Variants in TSEN34 observed in about 807,000 individuals in gnomAD.
The protein encoded by TSEN34 is tRNA splicing endonuclease subunit 34.
In TSEN34, 25 loss-of-function variants were observed where a neutral mutation model predicts 30.2. The ratio of observed to expected loss-of-function variants is 0.83; its 90% confidence interval spans 0.60 to 1.16. The LOEUF (loss-of-function observed/expected upper bound fraction) is 1.16, where lower values mean the gene tolerates loss of function less well. Among genes scored for constraint, TSEN34 ranks in the 50% most tolerant of loss-of-function variants. The probability of loss-of-function intolerance (pLI) is 0.00; values close to 1 mark genes in which losing one functional copy is unlikely to be tolerated. For synonymous variants in TSEN34, 209 were observed against 177.4 expected, an observed-to-expected ratio of 1.18 and a Z score of -1.41; for missense variants, 475 against 411.9, an observed-to-expected ratio of 1.15 and a Z score of -1.33.
chr19:54,193,617 T>A lies in TSEN34; in HGVS notation c.*255T>A. On this transcript the variant is annotated 3_prime_UTR_variant, in exon 4 of 4. Transcript: ENST00000396388. ...GCCTGGGTTTGATTCATCTGTTTTC[T>A]ACAGGGTTTAAGTCTCAGGAGGTCT... 7.6e-7 allele frequency: 1 copy of A among 1,312,630 alleles called. No individual in the cohort carries two copies. The highest frequency in any genetic ancestry group is 1.1e-6 in the Non-Finnish European group (1 of 943,320). 81.3% of individuals were successfully genotyped at this position (1,312,630 alleles called of 1,614,324 possible). A position where few individuals can be genotyped will look rare whatever the true frequency, so the allele number is the denominator to read the frequency against.
At chr19:54,190,531 G>C, upstream of TSEN34, 4 of 1,298,370 alleles carry the variant, frequency 3.1e-6, no homozygotes, top group Non-Finnish European at 3.0e-6. Flanking sequence ...CGTAGGGCGG[G>C]AACTCCCCAA....
At position 54,192,126 on chromosome 19, in the gene TSEN34, T is replaced by G. The variant is rs201833183; in HGVS notation, c.498T>G (p.Ser166=). The change falls in exon 3 of 4, where the codon TCT becomes TCG. Residue 166 remains serine (S), a synonymous_variant. Coordinates refer to ENST00000396388, the MANE Select transcript of TSEN34 (RefSeq NM_001077446.4). ...TGTACTCCCCACCAGGCCCCTCGTC[T>G]TCCCAAGCAGGACCCTCAAATGGGG... ...SGEQEEAGPS[S]SQAGPSNGVA... 1.5e-5 allele frequency: 24 copies of G among 1,614,232 alleles called. No individual in the cohort carries two copies. The highest frequency in any genetic ancestry group is 1.9e-5 in the Non-Finnish European group (23 of 1,180,036).
At chr19:54,192,508 G>C (rs1293419495) in intron 3 of TSEN34, 135 bp downstream of exon 3, 2 of 1,230,404 alleles carry the variant, frequency 1.6e-6, no homozygotes, top group African/African-American at 3.1e-5. Context: ...CTATTCCTGG[G>C]CTCAAGCAAT....
At position 54,191,900 on chromosome 19, in the gene TSEN34, G is replaced by A. The variant is rs1294997463; in HGVS notation, c.423G>A (p.Ser141=). The change falls in exon 2 of 4, where the codon TCG becomes TCA. Residue 141 remains serine (S), a synonymous_variant. Coordinates refer to ENST00000396388, the MANE Select transcript of TSEN34 (RefSeq NM_001077446.4). ...SGASSSQEAG[S]SQAAKEDETS... ...CCAGCTCAAGCCAGGAGGCCGGCTC[G>A]AGCCAGGCTGCCAAAGAGGATGAGA... is the stretch of plus-strand genomic sequence containing the variant. The A allele has an allele frequency of 1.9e-6, 3 of 1,614,128 alleles. No individual in the cohort carries two copies. The highest frequency in any genetic ancestry group is 3.3e-5 in the Admixed American group (2 of 60,020).
At position 54,193,667 on chromosome 19, in the gene TSEN34, C is replaced by T. The variant is rs2076791827; in HGVS notation, c.*305C>T. The T allele has an allele frequency of 5.4e-6, 5 of 924,374 alleles. No homozygotes were observed. The highest frequency in any genetic ancestry group is 8.5e-6 in the Non-Finnish European group (5 of 588,348). The allele number at this position is 924,374 out of a possible 1,614,324, so 57.3% of individuals were successfully genotyped here. On this transcript the variant is annotated 3_prime_UTR_variant, in exon 4 of 4. Coordinates refer to ENST00000396388, the MANE Select transcript of TSEN34 (RefSeq NM_001077446.4). ...TCAATAAACTTGGTATATAAATGTT[C>T]ATGATTTGAATGTTTGCGACAGTCC...
upstream of TSEN34, chr19:54,189,887 C>T: frequency 4.7e-6 from 1 of 213,986 alleles, no homozygotes; most frequent in South Asian, 6.8e-5. Flanking sequence ...TCCTTAGGGT[C>T]ACTGTTCCGA....
chr19:54,190,181 A>G (rs2076610449), upstream of TSEN34: 1 of 600,088 alleles, frequency 1.7e-6, no homozygotes, highest in East Asian at 3.2e-5. Context: ...AGTGGGGCGG[A>G]GCCAAGGTGG....
Position 54,191,470 on chromosome 19 carries a change from C to G in TSEN34, c.106C>G (p.Leu36Val). The G allele has an allele frequency of 1.3e-6, 2 of 1,549,958 alleles. No homozygotes were observed. The highest frequency in any genetic ancestry group is 1.7e-6 in the Non-Finnish European group (2 of 1,149,678). The change falls in exon 1 of 4, where the codon CTG becomes GTG. Residue 36 changes from leucine to valine, a missense_variant. By Grantham distance (32) the Leu-to-Val change is conservative. Transcript: ENST00000396388. ...TGTGGGGGGCCGCACGGTAGGCGCC[C>G]TGCCCCGCGGGCCCCGCCAGAACTC... is the stretch of plus-strand genomic sequence containing the variant. The part of the protein sequence containing the change: ...LGVGGRTVGA[L>V]PRGPRQNSRL...
At chr19:54,192,054 C>A (rs944490278) in intron 2 of TSEN34, 62 bp from the exon 3 acceptor site, 2 of 1,613,982 alleles carry the variant, frequency 1.2e-6, no homozygotes, top group Non-Finnish European at 1.7e-6. Flanking sequence ...CCTGGGTCTC[C>A]CTGAGGGTGA....
intron 3 of TSEN34, 130 bp downstream of exon 3, chr19:54,192,503 C>G: frequency 7.9e-7 from 1 of 1,262,482 alleles, no homozygotes; most frequent in Admixed American, 2.2e-5. Context: ...GGTCCCTATT[C>G]CTGGGCTCAA....
At chr19:54,192,492 T>A in intron 3 of TSEN34, 119 bp downstream of exon 3, 1 of 1,371,704 alleles carries the variant, frequency 7.3e-7, no homozygotes, top group East Asian at 2.3e-5. Flanking sequence ...TTGCTTAGGC[T>A]GGTCCCTATT....
chr19:54,193,234 A>AT lies in TSEN34; in HGVS notation c.806dup (p.Leu271ThrfsTer26). The AT allele has an allele frequency of 1.9e-6, 3 of 1,613,960 alleles. No homozygotes were observed. The highest frequency in any genetic ancestry group is 2.5e-6 in the Non-Finnish European group (3 of 1,179,990). ...TCAGTGCTGGGCCCCTGAGGACACC[A>AT]TCCCACTCCAAGACCTGGTTGCTGC... is the stretch of plus-strand genomic sequence containing the variant. On this transcript the variant is annotated frameshift_variant, in exon 4 of 4. Transcript: ENST00000396388. LOFTEE classifies it high-confidence loss of function.
Position 54,193,427 on chromosome 19 carries a change from C to T in TSEN34, c.*65C>T. On this transcript the variant is annotated 3_prime_UTR_variant, in exon 4 of 4. Coordinates refer to ENST00000396388, the MANE Select transcript of TSEN34 (RefSeq NM_001077446.4). ...GAGCCTTTCTGGATGTTCCCCAGCT[C>T]TTCTCTGGGAGTCTAGAACATCCTC... The T allele has an allele frequency of 2.5e-6, 4 of 1,606,154 alleles. No individual in the cohort carries two copies. Among genetic ancestry groups the T allele is most frequent in the South Asian group, 1.1e-5 (1 of 89,970 alleles).
At chr19:54,192,478 C>A in intron 3 of TSEN34, 105 bp downstream of exon 3, 1 of 1,479,526 alleles carries the variant, frequency 6.8e-7, no homozygotes, top group South Asian at 1.2e-5. Context: ...GGTGGGGTCT[C>A]TTGTTGCTTA....
upstream of TSEN34, chr19:54,190,581 CCGCGAGGCTGCCGGGAGCCGATGA>C (rs1053114682): frequency 8.0e-7 from 1 of 1,247,280 alleles, no homozygotes; most frequent in Non-Finnish European, 1.0e-6. Context: ...GGGCCACAGG[CCGCGAGGCTGCCGGGAGCCGATGA>C]CGCCCGAACG....
chr19:54,191,505 C>T lies in TSEN34; in HGVS notation c.141C>T (p.Gly47=), dbSNP rs908424228. The T allele has an allele frequency of 3.2e-6, 5 of 1,581,152 alleles. No homozygotes were observed. In the African/African-American group the frequency reaches 4.0e-5, roughly 13 times the overall value. The change falls in exon 1 of 4, where the codon GGC becomes GGT. Residue 47 remains glycine, a synonymous_variant. Coordinates refer to ENST00000396388, the MANE Select transcript of TSEN34 (RefSeq NM_001077446.4). ...GGCCCCGCCAGAACTCGCGCCTGGGCCTCCCGCTGCTGCTGATGCCCGAAG... is the reference window on the plus strand; with the variant it reads ...GGCCCCGCCAGAACTCGCGCCTGGGTCTCCCGCTGCTGCTGATGCCCGAAG... ...PRGPRQNSRL[G]LPLLLMPEEA...
chr19:54,193,036 A>C (rs1029904142), intron 3 of TSEN34, 139 bp from the exon 4 acceptor site: 1 of 1,144,536 alleles, frequency 8.7e-7, no homozygotes, highest in African/African-American at 1.6e-5. Flanking sequence ...GAAGTGGAAT[A>C]GTTGTGTCCA....
intron 3 of TSEN34, 110 bp from the exon 4 acceptor site, chr19:54,193,065 T>C: frequency 1.9e-6 from 3 of 1,576,744 alleles, no homozygotes; most frequent in Non-Finnish European, 2.6e-6. Flanking sequence ...TGTTTTAGAG[T>C]ATCTATAGTG....
chr19:54,192,868 G>A (rs1357975181), intron 3 of TSEN34, among the ~76,000 whole-genome samples: 2 of 152,078 alleles, frequency 1.3e-5, no homozygotes, highest in Admixed American at 1.3e-4. Flanking sequence ...AACTGGGCGT[G>A]GTGGTGGGTG....
Sources: allele counts gnomAD v4.1 joint callset (sites outside exome capture counted in the v4.1 genomes callset), GRCh38; gene constraint gnomAD v4.1.1; transcripts MANE v1.5; gene names NCBI Gene and HGNC (gene_info 2026-07-23, HGNC 2026-07-21).